Variants in CHD5 observed in about 807,000 individuals in gnomAD.
CHD5 encodes chromodomain helicase DNA binding protein 5.
A neutral mutation model predicts 230.3 loss-of-function variants in CHD5; 69 were observed. That is an observed-to-expected ratio of 0.30 (90% CI 0.25 to 0.37). CHD5 has a LOEUF of 0.37. Ranked by LOEUF, CHD5 falls within the 10% of genes least tolerant of loss-of-function variation. The probability of loss-of-function intolerance (pLI) is 1.00; values close to 1 mark genes in which losing one functional copy is unlikely to be tolerated. For synonymous variants in CHD5, 1,064 were observed against 1,065.9 expected, an observed-to-expected ratio of 1.00 and a Z score of 0.03; for missense variants, 1,827 against 2,622.8, an observed-to-expected ratio of 0.70 and a Z score of 6.63.
intron 29 of CHD5, 110 bp downstream of exon 29, chr1:6,124,990 G>C (rs551105440): frequency 5.1e-6 from 6 of 1,174,308 alleles, no homozygotes; most frequent in Middle Eastern, 2.5e-4. Context: ...CTTTCCAGAC[G>C]GCCTCATCCT....
At chr1:6,113,064 G>A (rs1666318459) in intron 33 of CHD5, 66 bp from the exon 34 acceptor site, 7 of 1,115,756 alleles carry the variant, frequency 6.3e-6, no homozygotes, top group South Asian at 1.2e-5. Context: ...CTCTGGGCTC[G>A]TGGCTTTCCA....
intron 33 of CHD5, among the ~76,000 whole-genome samples, chr1:6,119,580 T>C (rs1164655626): frequency 6.6e-6 from 1 of 152,178 alleles, no homozygotes; most frequent in Non-Finnish European, 1.5e-5. Context: ...ATAATCATAA[T>C]GAGAGATTTT....
At position 6,111,759 on chromosome 1, in the gene CHD5, G is replaced by A; in HGVS notation, c.5249+16C>T. ...AACGGGCAAGTCCCTGCCCAGCCCG[G>A]CCTGGCCAAGGATACGTCACGATGC... On this transcript the variant is annotated intron_variant, in intron 36 of 41. Coordinates refer to ENST00000262450, the MANE Select transcript of CHD5 (RefSeq NM_015557.3). The A allele has an allele frequency of 6.2e-7, 1 of 1,608,482 alleles. No individual in the cohort carries two copies. The highest frequency in any genetic ancestry group is 8.5e-7 in the Non-Finnish European group (1 of 1,175,676).
At position 6,136,629 on chromosome 1, in the gene CHD5, C is replaced by G; in HGVS notation, c.2584G>C (p.Val862Leu). 6.2e-7 allele frequency: 1 copy of G among 1,614,120 alleles called. No homozygotes were observed. Among genetic ancestry groups the G allele is most frequent in the Admixed American group, 1.7e-5 (1 of 60,022 alleles). The change falls in exon 17 of 42, where the codon GTC (valine) becomes CTC (leucine). Residue 862 changes from valine to leucine, a missense_variant. By Grantham distance (32) the Val-to-Leu change is conservative. Coordinates refer to ENST00000262450, the MANE Select transcript of CHD5 (RefSeq NM_015557.3). ...TAATCAATCTTGTAGCTGTTTAAGA[C>G]CCTAAAAAACTGAGGGGAGGAGAGT... ...LKNNQSKFFRVLNSYKIDYKL... is the reference protein window; with the variant it reads ...LKNNQSKFFRLLNSYKIDYKL...
chr1:6,170,147 C>T (rs1472735550), intron 1 of CHD5, among the ~76,000 whole-genome samples: 2 of 152,108 alleles, frequency 1.3e-5, no homozygotes, highest in African/African-American at 2.4e-5. Flanking sequence ...CCCAGGCAGT[C>T]TGGTGACCCT....
At position 6,109,945 on chromosome 1, in the gene CHD5, C is replaced by T. The variant is rs376526371; in HGVS notation, c.5428G>A (p.Ala1810Thr). 8.8e-6 allele frequency: 14 copies of T among 1,588,596 alleles called. No homozygotes were observed. The highest frequency in any genetic ancestry group is 2.7e-5 in the African/African-American group (2 of 74,350). Residue 1810 changes from alanine (A) to threonine (T), a missense_variant, in exon 38 of 42, where the codon GCG becomes ACG. Physicochemically the swap from Ala to Thr is moderately conservative, Grantham distance 58. Around this residue, in one of 14 missense-constraint regions of CHD5, gnomAD observed 208 missense variants for 302.0 expected, o/e 0.69. Transcript: ENST00000262450. ...GGGTCCTGCGTCATGTTCAGGTACGCGGCCCTCCGGAGCTGCTCCTCAATG... is the reference window on the plus strand; with the variant it reads ...GGGTCCTGCGTCATGTTCAGGTACGTGGCCCTCCGGAGCTGCTCCTCAATG... ...LVIEEQLRRA[A>T]YLNMTQDPNH...
rs768430028 is a variant in CHD5 at position 6,151,116 on chromosome 1, C to T, written c.910G>A (p.Ala304Thr). 154 of 1,609,710 alleles carry T rather than the reference C, an allele frequency of 9.6e-5. No individual in the cohort carries two copies. The highest frequency in any genetic ancestry group is 9.9e-5 in the Non-Finnish European group (117 of 1,177,796). Residue 304 changes from alanine to threonine, a missense_variant, in exon 7 of 42, where the codon GCC (alanine) becomes ACC (threonine). Ala to Thr is a moderately conservative substitution (Grantham distance 58, BLOSUM62 0). Around this residue, in one of 14 missense-constraint regions of CHD5, gnomAD observed 657 missense variants for 816.4 expected, o/e 0.80. Transcript: ENST00000262450. ...DEREESDFDSASIHSASVRSE... is the reference protein window; with the variant it reads ...DEREESDFDSTSIHSASVRSE... ...CGCACGGAGGCACTGTGGATGCTGG[C>T]GCTGTCGAAGTCCGACTCCTCCCTC... is the stretch of plus-strand genomic sequence containing the variant.
In CHD5 at chr1:6,131,677, A is replaced by G. The variant is rs904013305; in HGVS notation, c.3216T>C (p.Gly1072=). 6.2e-7 allele frequency: 1 copy of G among 1,613,546 alleles called. No individual in the cohort carries two copies. The change falls in exon 21 of 42, where the codon GGT becomes GGC. Residue 1072 remains glycine, a synonymous_variant. Transcript: ENST00000262450. The surrounding 1 kb of genome is among the most constrained non-coding windows in gnomAD (Gnocchi z 5.0). ...YEGYKYERID[G]GITGGLRQEA... is the part of the protein sequence containing the mutation. ...CCTGCCGGAGGCCCCCGGTGATGCC[A>G]CCATCAATCCGCTCATACTTGTAGC...
intron 6 of CHD5, 40 bp from the exon 7 acceptor site, chr1:6,151,195 C>A: frequency 6.4e-7 from 1 of 1,570,774 alleles, no homozygotes; most frequent in South Asian, 1.2e-5. Context: ...CAGGGCTTCA[C>A]CCAGAAGGCT....
At chr1:6,114,331 C>T (rs1158594447) in intron 33 of CHD5, among the ~76,000 whole-genome samples, 1 of 151,950 alleles carries the variant, frequency 6.6e-6, no homozygotes, top group African/African-American at 2.4e-5. Flanking sequence ...CACCAGCCGA[C>T]GCACAGGAAG....
chr1:6,148,663 G>A (rs766778365), intron 9 of CHD5, among the ~76,000 whole-genome samples, 191 bp downstream of exon 9: 5 of 152,188 alleles, frequency 3.3e-5, no homozygotes, highest in Admixed American at 3.3e-4. Flanking sequence ...CAGACGCGGA[G>A]AAGGGCGCGA....
At chr1:6,118,346 T>A (rs561135205) in intron 33 of CHD5, among the ~76,000 whole-genome samples, 86 of 130,848 alleles carry the variant, frequency 6.6e-4, no homozygotes, top group Non-Finnish European at 2.0e-4. Flanking sequence ...GCCACTGCAC[T>A]CCAGCCTGGG....
intron 11 of CHD5, among the ~76,000 whole-genome samples, chr1:6,145,433 C>T (rs1049839836): frequency 2.6e-5 from 4 of 152,258 alleles, no homozygotes; most frequent in Admixed American, 2.6e-4. Flanking sequence ...TGCCACCAGG[C>T]AGCAGGTACT....
chr1:6,128,448 GCAGCCA>G lies in CHD5; in HGVS notation c.3730+45_3730+50del, dbSNP rs1236123831. On this transcript the variant is annotated intron_variant, in intron 24 of 41. Coordinates refer to ENST00000262450, the MANE Select transcript of CHD5 (RefSeq NM_015557.3). This position sits in a 1 kb window ranked among gnomAD's most constrained non-coding sequence, Gnocchi z 7.8. ...GTCAGGGAACCCCTCCTCTGCAGGA[GCAGCCA>G]CCTGGTCGGAGGAGGAGCTGAGGCT... 6.9e-7 allele frequency: 1 copy of G among 1,459,006 alleles called. No homozygotes were observed. Among genetic ancestry groups the G allele is most frequent in the Non-Finnish European group, 9.6e-7 (1 of 1,044,260 alleles). The allele number at this position is 1,459,006 out of a possible 1,614,324, so 90.4% of individuals were successfully genotyped here.
chr1:6,152,557 T>C lies in CHD5; in HGVS notation c.746-21A>G, dbSNP rs779868371. ...AGGCCCTGAAAAACAGCAGTGATGA[T>C]AGCCAACCACTGCCACCACTGACGG... On this transcript the variant is annotated intron_variant, in intron 5 of 41. Transcript: ENST00000262450. The C allele has an allele frequency of 6.2e-6, 10 of 1,613,296 alleles. No individual in the cohort carries two copies. In the East Asian group the frequency reaches 6.7e-5, roughly 11 times the overall value.
chr1:6,111,448 C>T (rs1223870486), intron 36 of CHD5, among the ~76,000 whole-genome samples: 3 of 151,366 alleles, frequency 2.0e-5, no homozygotes, highest in African/African-American at 4.8e-5. Flanking sequence ...GCAGGAGAAT[C>T]GCTTGAACCC....
At position 6,146,346 on chromosome 1, in the gene CHD5, G is replaced by A. The variant is rs192321321; in HGVS notation, c.1668C>T (p.Tyr556=). The A allele has an allele frequency of 2.1e-4, 338 of 1,614,162 alleles. 2 individuals carry two copies. In the Middle Eastern group the frequency reaches 4.5e-3, roughly 21 times the overall value. The change falls in exon 11 of 42, where the codon TAC becomes TAT. Residue 556 remains tyrosine, a synonymous_variant. Coordinates refer to ENST00000262450, the MANE Select transcript of CHD5 (RefSeq NM_015557.3). The surrounding 1 kb of genome is among the most constrained non-coding windows in gnomAD (Gnocchi z 5.1). ...TCTTGCCGTCTTCATCCCCAGAGCC[G>A]TAGTCAAAGGGGGGCGGCTCATCCA... is the stretch of plus-strand genomic sequence containing the variant. ...NDMDEPPPFD[Y]GSGDEDGKSE... is the part of the protein sequence containing the mutation.
chr1:6,150,954 C>T (rs115974912), intron 7 of CHD5, 78 bp downstream of exon 7: 20,114 of 1,388,602 alleles, frequency 0.014, 192 homozygotes, highest in Middle Eastern at 0.021. Context: ...GGCCGAGAAC[C>T]GTCCAGATGG....
At chr1:6,111,429 G>A (rs1666285995) in intron 36 of CHD5, among the ~76,000 whole-genome samples, 1 of 151,748 alleles carries the variant, frequency 6.6e-6, no homozygotes, top group African/African-American at 2.4e-5. Flanking sequence ...AGCTACTCAG[G>A]AGGCTGAGGC....
Sources: allele counts gnomAD v4.1 joint callset (sites outside exome capture counted in the v4.1 genomes callset), GRCh38; gene constraint gnomAD v4.1.1; regional missense constraint gnomAD v4.1.1; non-coding constraint Gnocchi (gnomAD v3.1); transcripts MANE v1.5; gene names NCBI Gene and HGNC (gene_info 2026-07-23, HGNC 2026-07-21).